The following MED14 variants were observed in gnomAD, a reference collection of about 807,000 sequenced individuals.
MED14 encodes the protein mediator of RNA polymerase II transcription subunit 14.
Under a neutral mutation model 109.0 loss-of-function variants are expected in MED14, and 8 were observed. The observed-to-expected ratio is 0.07, with a 90% CI of 0.04 to 0.13. The LOEUF is 0.13. Ranked by LOEUF, MED14 falls within the 10% of genes least tolerant of loss-of-function variation. The pLI is 1.00. For synonymous variants in MED14, 399 were observed against 408.7 expected (o/e 0.98, Z 0.29); for missense variants, 711 against 1,142.4 (o/e 0.62, Z 5.44).
chrX:40,733,612 T>C (rs1188596274), intron 1 of MED14, among the ~76,000 whole-genome samples: 1 of 111,717 alleles, frequency 9.0e-6, no homozygotes, highest in Non-Finnish European at 1.9e-5. Flanking sequence ...TGTTGAGAAA[T>C]GGTCAGACTC....
intron 2 of MED14, among the ~76,000 whole-genome samples, chrX:40,727,588 G>A (rs773566475): frequency 9.0e-6 from 1 of 111,551 alleles, no homozygotes; most frequent in Non-Finnish European, 1.9e-5. Context: ...CTTTACTAAT[G>A]TCAATCAACG....
intron 24 of MED14, among the ~76,000 whole-genome samples, chrX:40,666,450 G>A (rs182167435): frequency 2.9e-4 from 32 of 110,256 alleles, no homozygotes; most frequent in Middle Eastern, 4.7e-3. Context: ...TAACAGAAAC[G>A]TGAGAGGGCA....
At chrX:40,659,133 C>A in intron 28 of MED14, 94 bp downstream of exon 28, 1 of 459,857 alleles carries the variant, frequency 2.2e-6, no homozygotes, top group Non-Finnish European at 3.4e-6. Flanking sequence ...ATAGAAGAAA[C>A]TACATAGATG....
chrX:40,663,279 C>G (rs1929353713), intron 25 of MED14, 119 bp from the exon 26 acceptor site: 2 of 571,112 alleles, frequency 3.5e-6, no homozygotes, highest in Middle Eastern at 3.9e-4. Flanking sequence ...TTTAGTTACT[C>G]CTTGTGGTGT....
At chrX:40,711,614 T>A (rs1569295006) in intron 7 of MED14, among the ~76,000 whole-genome samples, 1 of 110,650 alleles carries the variant, frequency 9.0e-6, no homozygotes, top group Non-Finnish European at 1.9e-5. Flanking sequence ...ACAGTACTTT[T>A]TTATTATTAT....
intron 10 of MED14, among the ~76,000 whole-genome samples, chrX:40,708,293 A>T (rs1931222499): frequency 9.0e-6 from 1 of 111,350 alleles, no homozygotes; most frequent in African/African-American, 3.3e-5. Flanking sequence ...TTTATCTTAG[A>T]TCCCCTCTTT....
At chrX:40,733,817 A>T (rs1408615613) in intron 1 of MED14, among the ~76,000 whole-genome samples, 1 of 112,078 alleles carries the variant, frequency 8.9e-6, no homozygotes, top group Non-Finnish European at 1.9e-5. Context: ...TGAAATGCCC[A>T]TCAAGATACT....
At chrX:40,680,607 A>G (rs771835414) in intron 20 of MED14, 151 bp downstream of exon 20, 7 of 444,212 alleles carry the variant, frequency 1.6e-5, no homozygotes, top group Non-Finnish European at 2.6e-5. Flanking sequence ...TTGTAGAGAC[A>G]GGGTTTTGCC....
chrX:40,734,803 T>C (rs1456730460), intron 1 of MED14, among the ~76,000 whole-genome samples: 1 of 112,719 alleles, frequency 8.9e-6, no homozygotes, highest in Non-Finnish European at 1.9e-5. Context: ...TGCATTAACT[T>C]AGAAGCAATA....
chrX:40,681,089 T>TTAATATTG (rs1266342471), intron 19 of MED14, among the ~76,000 whole-genome samples, 179 bp from the exon 20 acceptor site: 5 of 112,663 alleles, frequency 4.4e-5, no homozygotes, highest in Non-Finnish European at 9.4e-5. Flanking sequence ...TATTGAACAG[T>TTAATATTG]ACACTCCCTG....
At chrX:40,735,835 GGCGCGTGGGAGTGAGGCGGTACCTGTGA>G, upstream of MED14, 1 of 319,454 alleles carries the variant, frequency 3.1e-6, no homozygotes, top group Non-Finnish European at 6.1e-6. Context: ...AGCGCTGGGG[GGCGCGTGGGAGTGAGGCGGTACCTGTGA>G]GCGCGCGGGA....
chrX:40,692,786 C>T lies in MED14; in HGVS notation c.1767G>A (p.Gln589=), dbSNP rs759941662. ...EDSPAMALLL[Q]QFKENIQDLV... ...AGTCCTGAATGTTTTCCTTGAACTGCTGCAGCAGCAATGCCATTGCAGGGC... is the reference window on the plus strand; with the variant it reads ...AGTCCTGAATGTTTTCCTTGAACTGTTGCAGCAGCAATGCCATTGCAGGGC... The change falls in exon 14 of 31, where the codon CAG becomes CAA. Residue 589 remains glutamine, a synonymous_variant. Coordinates refer to ENST00000324817, the MANE Select transcript of MED14 (RefSeq NM_004229.4). 1.7e-6 allele frequency: 2 copies of T among 1,208,665 alleles called. No individual in the cohort carries two copies. The highest frequency in any genetic ancestry group is 1.7e-5 in the African/African-American group (1 of 57,181).
chrX:40,682,551 G>A, intron 18 of MED14, 52 bp downstream of exon 18: 1 of 1,002,536 alleles, frequency 1.0e-6, no homozygotes, highest in East Asian at 3.4e-5. Flanking sequence ...AAAAAAGGGT[G>A]AGGGCTTTTT....
rs754513281 is a variant in MED14, at chrX:40,694,579, G to A, written c.1651-1677C>T. 1.3e-4 allele frequency among the ~76,000 whole-genome samples: 15 copies of A among 111,329 alleles called. No individual in the cohort carries two copies. The South Asian group carries it at 3.4e-3, about 25-fold the overall frequency. On this transcript the variant is annotated intron_variant, in intron 13 of 30. Coordinates refer to ENST00000324817, the MANE Select transcript of MED14 (RefSeq NM_004229.4). The stretch of plus-strand genomic sequence containing the variant: ...ATGGCCATTTCACCAAAGAAGACAG[G>A]ATGAGCACACGAAAATATGCTCAAC...
rs764905786 is a variant in MED14 at position 40,666,883 on chromosome X, G to A, written c.3134-32C>T. 3.6e-6 allele frequency: 4 copies of A among 1,125,198 alleles called. No individual in the cohort carries two copies. In the African/African-American group the frequency reaches 7.4e-5, roughly 21 times the overall value. The allele number at this position is 1,125,198 out of a possible 1,213,427, so 92.7% of individuals were successfully genotyped here. ...AAGGAAAATAATTATAGATAATCTTGCAGGACACATTTTATGTCCTGTCCA... is the reference window on the plus strand; with the variant it reads ...AAGGAAAATAATTATAGATAATCTTACAGGACACATTTTATGTCCTGTCCA... On this transcript the variant is annotated intron_variant, in intron 23 of 30. Coordinates refer to ENST00000324817, the MANE Select transcript of MED14 (RefSeq NM_004229.4).
intron 28 of MED14, among the ~76,000 whole-genome samples, chrX:40,658,732 G>A (rs1284931507): frequency 9.8e-6 from 1 of 102,476 alleles, no homozygotes; most frequent in Non-Finnish European, 2.0e-5. Context: ...GCGCGGTGGC[G>A]TGCACCTGTA....
chrX:40,698,692 A>T (rs1003892915), intron 12 of MED14, among the ~76,000 whole-genome samples: 13 of 112,173 alleles, frequency 1.2e-4, no homozygotes, highest in Non-Finnish European at 2.4e-4. Context: ...TGTTGGGGAA[A>T]TATAAATGAA....
At chrX:40,734,660 C>T (rs1029379988) in intron 1 of MED14, among the ~76,000 whole-genome samples, 10 of 112,129 alleles carry the variant, frequency 8.9e-5, no homozygotes, top group Non-Finnish European at 1.9e-4. Flanking sequence ...CCTTCATACT[C>T]CAAGAAATAA....
At chrX:40,682,508 G>T in intron 18 of MED14, 95 bp downstream of exon 18, 1 of 702,452 alleles carries the variant, frequency 1.4e-6, no homozygotes, top group Non-Finnish European at 2.0e-6. Context: ...TGATTTTTTT[G>T]CTTGGAACAC....
Sources: gnomAD v4.1 joint callset for allele counts (sites outside exome capture counted in the v4.1 genomes callset) on GRCh38, gnomAD v4.1.1 for gene constraint, MANE v1.5 for transcripts, NCBI Gene and HGNC (gene_info 2026-07-23, HGNC 2026-07-21) for gene names.